CPAMD8: variants seen among roughly 807,000 people sequenced by gnomAD.
CPAMD8 encodes the protein C3 and PZP-like alpha-2-macroglobulin domain-containing protein 8.
CPAMD8 carries 146 observed loss-of-function variants against 224.7 expected under a neutral mutation model. The observed-to-expected ratio is 0.65, with a 90% CI of 0.57 to 0.75. CPAMD8 has a LOEUF of 0.75. CPAMD8 is among the 30% of genes least tolerant of loss of function. CPAMD8 has a pLI of 0.00. For missense variants in CPAMD8, 2,301 were observed against 2,537.5 expected (o/e 0.91, Z 2.00); for synonymous variants, 966 against 1,044.6 (o/e 0.92, Z 1.45).
At chr19:17,010,828 G>A (rs2056625049) in intron 5 of CPAMD8, among the ~76,000 whole-genome samples, 1 of 151,980 alleles carries the variant, frequency 6.6e-6, no homozygotes, top group African/African-American at 2.4e-5. Flanking sequence ...TTTGAAACCA[G>A]CCTGGCCAAC....
chr19:16,976,988 G>A (rs1430469204), intron 15 of CPAMD8, among the ~76,000 whole-genome samples: 1 of 152,104 alleles, frequency 6.6e-6, no homozygotes, highest in Non-Finnish European at 1.5e-5. Context: ...GTTGCAGTGA[G>A]CCGAGATCGT....
rs201034139 is a variant in CPAMD8, at chr19:16,893,305, C to T, written c.5461G>A (p.Gly1821Arg). Residue 1821 changes from glycine (G) to arginine (R), a missense_variant, in exon 42 of 42, where the codon GGG (glycine) becomes AGG (arginine). By Grantham distance (125) the Gly-to-Arg change is moderately radical. This residue lies in a region of CPAMD8 where 1,709 missense variants were observed against 1,753.2 expected (regional missense o/e 0.97). Coordinates refer to ENST00000443236, the MANE Select transcript of CPAMD8 (RefSeq NM_015692.5). The stretch of plus-strand genomic sequence containing the variant: ...CTCTGGGTGCTGCTTTCCAGGTTCC[C>T]GCTGCTCACAGGAGGCCGAGGCCCG... Reference protein sequence around the residue: ...TAGPRPPVSSGNLESSTQSAS... With the variant: ...TAGPRPPVSSRNLESSTQSAS... The T allele has an allele frequency of 8.8e-4, 1,362 of 1,549,726 alleles. 4 individuals are homozygous for T. The highest frequency in any genetic ancestry group is 1.0e-3 in the Non-Finnish European group (1,181 of 1,146,232).
intron 22 of CPAMD8, among the ~76,000 whole-genome samples, chr19:16,940,266 C>T (rs552532109): frequency 2.0e-5 from 3 of 152,260 alleles, no homozygotes; most frequent in East Asian, 3.9e-4. Context: ...CTTCCATAAG[C>T]GCATGAGCCA....
chr19:16,987,179 AAT>A (rs775029154), intron 13 of CPAMD8, among the ~76,000 whole-genome samples: 2,133 of 53,790 alleles, frequency 0.04, 90 homozygotes, highest in African/African-American at 0.061. Context: ...AAAAAAAAAA[AAT>A]ATATATATAT....
intron 26 of CPAMD8, among the ~76,000 whole-genome samples, 164 bp from the exon 27 acceptor site, chr19:16,922,150 G>A (rs1414309881): frequency 6.6e-6 from 1 of 152,170 alleles, no homozygotes; most frequent in African/African-American, 2.4e-5. Context: ...CCTTGAAACT[G>A]CCATACACTC....
At chr19:16,987,179 AATATATATATATAT>A (rs775029154) in intron 13 of CPAMD8, among the ~76,000 whole-genome samples, 161 of 53,908 alleles carry the variant, frequency 3.0e-3, no homozygotes, top group Middle Eastern at 0.024. Context: ...AAAAAAAAAA[AATATATATATATAT>A]ATATATATAT....
At position 16,896,288 on chromosome 19, in the gene CPAMD8, C is replaced by T. The variant is rs375223770; in HGVS notation, c.5314G>A (p.Asp1772Asn). Residue 1772 changes from aspartate (D) to asparagine (N), a missense_variant, in exon 41 of 42, where the codon GAT (aspartate) becomes AAT (asparagine). Physicochemically the swap from Asp to Asn is conservative, Grantham distance 23 (BLOSUM62 1). Transcript: ENST00000443236. ...CCCGGGGCCACAGAAGCCAGGTCAT[C>T]CCCGTAGGTGGAGGACGACGAGGCC... is the stretch of plus-strand genomic sequence containing the variant. ...LPASSSSTYG[D>N]DLASVAPGPL... The T allele has an allele frequency of 2.5e-6, 4 of 1,612,804 alleles. No individual in the cohort carries two copies. The African/African-American group carries it at 5.3e-5, about 22-fold the overall frequency.
At position 16,972,746 on chromosome 19, in the gene CPAMD8, A is replaced by G. The variant is rs532128084; in HGVS notation, c.2071-1713T>C. ...ACCGCGCCCAGCCTTTGAATAAGAA[A>G]TTCAAACCCAGTTCCTTTGACTCAA... On this transcript the variant is annotated intron_variant, in intron 17 of 41. Transcript: ENST00000443236. Among the ~76,000 whole-genome samples, 3 of 152,234 alleles carry G rather than the reference A, an allele frequency of 2.0e-5. No individual in the cohort carries two copies. The South Asian group carries it at 6.2e-4, about 32-fold the overall frequency.
chr19:17,024,090 TA>T (rs1197619504), intron 1 of CPAMD8, among the ~76,000 whole-genome samples: 1 of 152,166 alleles, frequency 6.6e-6, no homozygotes, highest in Non-Finnish European at 1.5e-5. Context: ...ATACCAAAAA[TA>T]AGATCCATAA....
chr19:16,941,034 A>G (rs546394336), intron 22 of CPAMD8, among the ~76,000 whole-genome samples: 50 of 152,218 alleles, frequency 3.3e-4, no homozygotes, highest in Admixed American at 2.5e-3. Context: ...AGGTTCAAGC[A>G]ATTCTCCTGT....
chr19:16,953,009 C>G (rs1159794561), intron 19 of CPAMD8, among the ~76,000 whole-genome samples: 1 of 152,068 alleles, frequency 6.6e-6, no homozygotes, highest in Admixed American at 6.6e-5. Context: ...GTGTTACTGG[C>G]ATAAAGACAG....
chr19:16,933,647 G>GTA lies in CPAMD8; in HGVS notation c.2846-4409_2846-4408dup, dbSNP rs376467460. On this transcript the variant is annotated intron_variant, in intron 23 of 41. Coordinates refer to ENST00000443236, the MANE Select transcript of CPAMD8 (RefSeq NM_015692.5). Reference sequence around the variant, plus strand: ...TGAAACCACAGGGAGATGTCACTGGGTATCTATTAGAATGGCTAAAAGTAA... The same window carrying GTA: ...TGAAACCACAGGGAGATGTCACTGGGTATATCTATTAGAATGGCTAAAAGTAA... Among the ~76,000 whole-genome samples the GTA allele has an allele frequency of 4.2e-3, 633 of 152,260 alleles. 1 individual carries two copies. Among genetic ancestry groups the GTA allele is most frequent in the Middle Eastern group, 6.8e-3 (2 of 294 alleles).
chr19:16,909,878 A>C (rs773853), intron 29 of CPAMD8, among the ~76,000 whole-genome samples: 1 of 151,964 alleles, frequency 6.6e-6, no homozygotes, highest in Non-Finnish European at 1.5e-5. Flanking sequence ...TTTTAAAACA[A>C]TCTCATACTG....
chr19:16,945,664 T>A lies in CPAMD8; in HGVS notation c.2678A>T (p.Tyr893Phe), dbSNP rs2054048115. The A allele has an allele frequency of 6.8e-6, 11 of 1,614,138 alleles. No individual in the cohort carries two copies. The highest frequency in any genetic ancestry group is 1.6e-4 in the Middle Eastern group (1 of 6,062). Residue 893 changes from tyrosine (Y) to phenylalanine (F), a missense_variant, in exon 22 of 42, where the codon TAC (tyrosine) becomes TTC (phenylalanine). Tyr to Phe is a conservative substitution (Grantham distance 22, BLOSUM62 3). Around this residue, in one of 4 missense-constraint regions of CPAMD8, gnomAD observed 1,709 missense variants for 1,753.2 expected, o/e 0.97. Transcript: ENST00000443236. ...ATCCCGGCAGCAATTTGTGTCTCCG[T>A]AAGCAAGGGCTTTGGCTGCAGAAAT... is the stretch of plus-strand genomic sequence containing the variant. Reference protein sequence around the residue: ...LNNITAKALAYGDTNCCRDGR... With the variant: ...LNNITAKALAFGDTNCCRDGR...
chr19:16,915,322 TG>T (rs2052906640), intron 27 of CPAMD8, among the ~76,000 whole-genome samples: 1 of 152,066 alleles, frequency 6.6e-6, no homozygotes, highest in Admixed American at 6.6e-5. Flanking sequence ...TGTGATGCAA[TG>T]CTGGGAGCAG....
In CPAMD8 at chr19:17,009,322, T is replaced by A; in HGVS notation, c.487-2A>T. 6.2e-7 allele frequency: 1 copy of A among 1,614,118 alleles called. No individual in the cohort carries two copies. Among genetic ancestry groups the A allele is most frequent in the Non-Finnish European group, 8.5e-7 (1 of 1,179,980 alleles). On this transcript the variant is annotated splice_acceptor_variant, in intron 5 of 41. Coordinates refer to ENST00000443236, the MANE Select transcript of CPAMD8 (RefSeq NM_015692.5). LOFTEE classifies it high-confidence loss of function. ...ACTCACCAGGATGTAGGCTTCCAGC[T>A]GTAATGAAGACACAGATGCAGTGAG...
chr19:16,895,935 G>A (rs2051955614), intron 41 of CPAMD8: 2 of 657,142 alleles, frequency 3.0e-6, no homozygotes, highest in Non-Finnish European at 5.6e-6. Flanking sequence ...ACACGCGCGC[G>A]TGCGCCCGCG....
At position 16,921,916 on chromosome 19, in the gene CPAMD8, C is replaced by T. The variant is rs779664080; in HGVS notation, c.3618G>A (p.Ser1206=). ...SYSAFGERDA[S]GSMWLTAFVL... is the part of the protein sequence containing the mutation. ...CGGTGGGGACTCACCACATGCTCCC[C>T]GATGCGTCCCGCTCCCCAAACGCGC... Residue 1206 remains serine, a synonymous_variant, in exon 27 of 42, where the codon TCG becomes TCA. Transcript: ENST00000443236. 35 of 1,544,292 alleles carry T rather than the reference C, an allele frequency of 2.3e-5. 1 individual carries two copies. In the South Asian group the frequency reaches 3.5e-4, roughly 15 times the overall value.
intron 15 of CPAMD8, among the ~76,000 whole-genome samples, chr19:16,976,986 G>A (rs1477722135): frequency 1.3e-5 from 2 of 152,094 alleles, no homozygotes; most frequent in Admixed American, 6.6e-5. Flanking sequence ...AGGTTGCAGT[G>A]AGCCGAGATC....
Sources: gnomAD v4.1 joint callset for allele counts (sites outside exome capture counted in the v4.1 genomes callset) on GRCh38, gnomAD v4.1.1 for gene constraint, gnomAD v4.1.1 regional missense constraint, MANE v1.5 for transcripts, NCBI Gene and HGNC (gene_info 2026-07-23, HGNC 2026-07-21) for gene names.